ABTB3: variants seen among roughly 807,000 people sequenced by gnomAD.
The protein encoded by ABTB3 is ankyrin repeat and BTB domain containing 3.
the ABTB3 span, among the ~76,000 whole-genome samples, chr12:107,401,166 A>G: frequency 6.6e-6 from 1 of 152,130 alleles, no homozygotes; most frequent in Admixed American, 6.5e-5. Flanking sequence ...GTTCCTTTTC[A>G]TGTGCAATAT....
chr12:107,426,949 A>G, the ABTB3 span, among the ~76,000 whole-genome samples: 2 of 151,850 alleles, frequency 1.3e-5, no homozygotes, highest in Admixed American at 1.3e-4. Flanking sequence ...GCTTTTTTCA[A>G]TTTCATCCAT....
chr12:107,364,850 A>G, the ABTB3 span, among the ~76,000 whole-genome samples: 1 of 152,136 alleles, frequency 6.6e-6, no homozygotes, highest in Admixed American at 6.5e-5. Context: ...CCAAAATTTT[A>G]TTTTAAATTT....
At chr12:107,600,496 T>C in the ABTB3 span, among the ~76,000 whole-genome samples, 2 of 152,194 alleles carry the variant, frequency 1.3e-5, no homozygotes, top group African/African-American at 2.4e-5. Flanking sequence ...CCAAGACAAC[T>C]AATCTGACTG....
At chr12:107,508,442 T>TTTTTTTTTTTTG in the ABTB3 span, among the ~76,000 whole-genome samples, 22 of 72,838 alleles carry the variant, frequency 3.0e-4, no homozygotes, top group Middle Eastern at 6.0e-3. Context: ...TCATTTCTTT[T>TTTTTTTTTTTTG]TTTTTTTTTT....
the ABTB3 span, among the ~76,000 whole-genome samples, chr12:107,523,721 C>T: frequency 2.0e-5 from 3 of 152,088 alleles, no homozygotes; most frequent in Non-Finnish European, 4.4e-5. Context: ...AATACGTACT[C>T]GGGGCGTTCA....
chr12:107,481,776 CTTCACTCTG>C, the ABTB3 span, among the ~76,000 whole-genome samples: 1 of 152,172 alleles, frequency 6.6e-6, no homozygotes, highest in Non-Finnish European at 1.5e-5. Context: ...CTGGCCACTT[CTTCACTCTG>C]TTCTCTCCCT....
the ABTB3 span, among the ~76,000 whole-genome samples, chr12:107,452,278 G>A: frequency 2.9e-5 from 4 of 140,238 alleles, no homozygotes; most frequent in South Asian, 2.3e-4. Context: ...CGCGGTCTCC[G>A]CTCACTGCAA....
chr12:107,618,017 C>T, the ABTB3 span: 1 of 718,148 alleles, frequency 1.4e-6, no homozygotes, highest in Admixed American at 2.7e-5. Context: ...CACTGTTAGG[C>T]CTCTGAAAGT....
chr12:107,318,697 C>T, the ABTB3 span: 3 of 480,984 alleles, frequency 6.2e-6, no homozygotes, highest in African/African-American at 5.9e-5. Context: ...CGGCCTGGCT[C>T]GCTCCCCATT....
chr12:107,362,961 A>G, the ABTB3 span, among the ~76,000 whole-genome samples: 2 of 152,210 alleles, frequency 1.3e-5, no homozygotes, highest in African/African-American at 2.4e-5. Context: ...TCACCTAGCT[A>G]GTACGTAGAG....
chr12:107,485,969 G>A, the ABTB3 span, among the ~76,000 whole-genome samples: 5 of 152,304 alleles, frequency 3.3e-5, 1 homozygote, highest in Admixed American at 3.3e-4. Context: ...AAAACAAACT[G>A]GTTAGGAGAG....
the ABTB3 span, chr12:107,617,563 GC>G: frequency 1.5e-6 from 2 of 1,307,244 alleles, no homozygotes; most frequent in Non-Finnish European, 2.1e-6. Context: ...AGTGGTCCAG[GC>G]CCCAGGTCTG....
At chr12:107,459,511 G>C in the ABTB3 span, among the ~76,000 whole-genome samples, 1 of 152,188 alleles carries the variant, frequency 6.6e-6, no homozygotes, top group Middle Eastern at 3.2e-3. Flanking sequence ...GAAGCAGGGA[G>C]TGCTGCAGAC....
the ABTB3 span, among the ~76,000 whole-genome samples, chr12:107,558,269 T>G: frequency 1.3e-5 from 2 of 152,204 alleles, no homozygotes; most frequent in South Asian, 4.1e-4. Flanking sequence ...ATTAAAATGC[T>G]GAAATGCTTC....
At chr12:107,514,456 A>C in the ABTB3 span, among the ~76,000 whole-genome samples, 1 of 152,148 alleles carries the variant, frequency 6.6e-6, no homozygotes, top group Non-Finnish European at 1.5e-5. Context: ...CTCCAGGGAA[A>C]TTATTTCCTT....
At chr12:107,336,101 A>G in the ABTB3 span, among the ~76,000 whole-genome samples, 2 of 152,220 alleles carry the variant, frequency 1.3e-5, no homozygotes, top group African/African-American at 4.8e-5. Flanking sequence ...GAGCAGAGGT[A>G]GAACTCATCA....
chr12:107,351,350 C>A, the ABTB3 span, among the ~76,000 whole-genome samples: 9 of 152,316 alleles, frequency 5.9e-5, 1 homozygote, highest in South Asian at 8.3e-4. Flanking sequence ...TTGTGTTCCA[C>A]TGCACTTTGC....
chr12:107,457,436 G>A, the ABTB3 span, among the ~76,000 whole-genome samples: 1 of 152,146 alleles, frequency 6.6e-6, no homozygotes, highest in East Asian at 1.9e-4. Context: ...TGGCAATTTC[G>A]AAGACATTGG....
chr12:107,377,258 T>G, the ABTB3 span, among the ~76,000 whole-genome samples: 1 of 152,196 alleles, frequency 6.6e-6, no homozygotes, highest in Non-Finnish European at 1.5e-5. Context: ...AGCATCATCC[T>G]AGCTTGCTAA....
Sources: allele counts gnomAD v4.1 joint callset (sites outside exome capture counted in the v4.1 genomes callset), GRCh38; gene constraint gnomAD v4.1.1; transcripts MANE v1.5; gene names NCBI Gene and HGNC (gene_info 2026-07-23, HGNC 2026-07-21).